The following ZFAND6 variants were observed in gnomAD, a reference collection of about 807,000 sequenced individuals.
ZFAND6 encodes the protein zinc finger AN1-type containing 6.
ZFAND6 carries 12 observed loss-of-function variants against 24.5 expected under a neutral mutation model. The ratio of observed to expected loss-of-function variants is 0.49; its 90% CI spans 0.31 to 0.79. The LOEUF (loss-of-function observed/expected upper bound fraction) is 0.79. Among genes scored for constraint, ZFAND6 ranks in the 30% least tolerant of loss-of-function variants. The pLI is 0.04. For missense variants in ZFAND6, 207 were observed against 245.9 expected (o/e 0.84, Z 1.06); for synonymous variants, 92 against 81.5 (o/e 1.13, Z -0.69).
chr15:80,108,080 A>G (rs2039428149), intron 2 of ZFAND6, among the ~76,000 whole-genome samples: 2 of 152,190 alleles, frequency 1.3e-5, no homozygotes, highest in South Asian at 2.1e-4. Context: ...TAATAGGACT[A>G]TTATGAGGAT....
At chr15:80,092,342 AAAAG>A (rs1359630047) in intron 1 of ZFAND6, among the ~76,000 whole-genome samples, 1 of 151,794 alleles carries the variant, frequency 6.6e-6, no homozygotes, top group Non-Finnish European at 1.5e-5. Context: ...AAAAAAAAAA[AAAAG>A]GATTGCTTGA....
intron 1 of ZFAND6, among the ~76,000 whole-genome samples, chr15:80,096,713 G>A (rs560535154): frequency 6.6e-6 from 1 of 152,218 alleles, no homozygotes; most frequent in African/African-American, 2.4e-5. Context: ...ACATCTTTAA[G>A]TTTTTCCTAA....
chr15:80,102,757 C>T (rs1415943524), intron 2 of ZFAND6, among the ~76,000 whole-genome samples: 1 of 152,022 alleles, frequency 6.6e-6, no homozygotes, highest in Non-Finnish European at 1.5e-5. Context: ...TTACTTTGTG[C>T]TTAGAAATAG....
At chr15:80,086,826 G>A (rs1403969611) in intron 1 of ZFAND6, among the ~76,000 whole-genome samples, 5 of 152,184 alleles carry the variant, frequency 3.3e-5, no homozygotes, top group Admixed American at 6.5e-5. Context: ...TCCCAATCAC[G>A]TCTCCCCCAG....
intron 1 of ZFAND6, among the ~76,000 whole-genome samples, chr15:80,077,906 G>A (rs1237870862): frequency 6.6e-6 from 1 of 151,518 alleles, no homozygotes; most frequent in African/African-American, 2.4e-5. Context: ...CACCATATTG[G>A]CCAGGCTGGT....
At chr15:80,063,833 G>A (rs1567045544) in intron 1 of ZFAND6, among the ~76,000 whole-genome samples, 1 of 152,146 alleles carries the variant, frequency 6.6e-6, no homozygotes, top group South Asian at 2.1e-4. Context: ...TTACAGGTGT[G>A]AGCCACTGCA....
chr15:80,118,624 A>G (rs564101559), intron 2 of ZFAND6, among the ~76,000 whole-genome samples: 49 of 152,320 alleles, frequency 3.2e-4, no homozygotes, highest in African/African-American at 1.1e-3. Flanking sequence ...AGGGTTCTAA[A>G]GTAGCATTTA....
chr15:80,065,451 C>A (rs944112488), intron 1 of ZFAND6, among the ~76,000 whole-genome samples: 64 of 151,968 alleles, frequency 4.2e-4, no homozygotes, highest in Non-Finnish European at 3.5e-4. Flanking sequence ...AAGTCTCCCC[C>A]CCATCCCCCT....
intron 1 of ZFAND6, among the ~76,000 whole-genome samples, chr15:80,074,288 GATATTTT>G (rs1189273518): frequency 6.6e-6 from 1 of 151,898 alleles, no homozygotes; most frequent in Non-Finnish European, 1.5e-5. Flanking sequence ...ATCTATGCTA[GATATTTT>G]ATATACTTAG....
chr15:80,136,741 C>A (rs1041365999), intron 6 of ZFAND6, among the ~76,000 whole-genome samples: 10 of 152,156 alleles, frequency 6.6e-5, no homozygotes, highest in African/African-American at 2.4e-4. Context: ...TTTGGGGGAG[C>A]AGGACCAGTT....
At chr15:80,091,276 A>G (rs1354640459) in intron 1 of ZFAND6, among the ~76,000 whole-genome samples, 1 of 152,102 alleles carries the variant, frequency 6.6e-6, no homozygotes, top group African/African-American at 2.4e-5. Context: ...ATGTACGTGA[A>G]AATCTAGAGG....
chr15:80,121,677 T>C, intron 3 of ZFAND6, 35 bp from the exon 4 acceptor site: 3 of 1,569,334 alleles, frequency 1.9e-6, no homozygotes, highest in Non-Finnish European at 2.6e-6. Context: ...GCTGAGCATA[T>C]AGAATCACTA....
chr15:80,084,466 AC>A (rs2141869842), intron 1 of ZFAND6, among the ~76,000 whole-genome samples: 1 of 152,354 alleles, frequency 6.6e-6, no homozygotes, highest in East Asian at 1.9e-4. Context: ...CTTCCTAATA[AC>A]TGAGGCCTAA....
rs572156353 is a variant in ZFAND6 at position 80,083,989 on chromosome 15, G to A, written c.-180-14427G>A. ...AACCTTTGAATTACTGATTTGGGGC[G>A]TGGTCTGATCACCCTGAGAGGATTT... On this transcript the variant is annotated intron_variant, in intron 1 of 6. Transcript: ENST00000261749. Among the ~76,000 whole-genome samples, 302 of 152,296 alleles carry A rather than the reference G, an allele frequency of 2.0e-3. 11 individuals are homozygous for A. Among genetic ancestry groups the A allele is most frequent in the South Asian group, 0.016 (75 of 4,826 alleles).
chr15:80,124,327 G>C (rs2142026341), intron 5 of ZFAND6, among the ~76,000 whole-genome samples: 1 of 152,242 alleles, frequency 6.6e-6, no homozygotes, highest in South Asian at 2.1e-4. Context: ...TAGCTACTGG[G>C]GAGGCTGAGG....
At chr15:80,103,963 C>T (rs1270584557) in intron 2 of ZFAND6, among the ~76,000 whole-genome samples, 2 of 152,078 alleles carry the variant, frequency 1.3e-5, no homozygotes, top group Admixed American at 6.6e-5. Flanking sequence ...GTTCTCCCAC[C>T]ATAGGCTCCT....
intron 1 of ZFAND6, among the ~76,000 whole-genome samples, chr15:80,085,196 T>C (rs2037916819): frequency 6.6e-6 from 1 of 152,292 alleles, no homozygotes; most frequent in East Asian, 1.9e-4. Flanking sequence ...TCCTGTTCAT[T>C]ATCTCTTTTT....
At chr15:80,071,287 TG>T (rs1024762233) in intron 1 of ZFAND6, among the ~76,000 whole-genome samples, 52 of 152,344 alleles carry the variant, frequency 3.4e-4, no homozygotes, top group African/African-American at 1.1e-3. Context: ...TTAAAGGTTT[TG>T]TCACTTTTTA....
chr15:80,108,794 A>G (rs142904461), intron 2 of ZFAND6, among the ~76,000 whole-genome samples: 5,155 of 151,600 alleles, frequency 0.034, 283 homozygotes, highest in East Asian at 0.22. Flanking sequence ...GCAGTGGTGC[A>G]ATCATGGCTC....
Sources: allele counts gnomAD v4.1 joint callset (sites outside exome capture counted in the v4.1 genomes callset), GRCh38; gene constraint gnomAD v4.1.1; transcripts MANE v1.5; gene names NCBI Gene and HGNC (gene_info 2026-07-23, HGNC 2026-07-21).